The following SYT1 variants were observed in gnomAD, a reference collection of about 807,000 sequenced individuals.
SYT1 encodes the protein synaptotagmin-1.
Under a neutral mutation model 44.8 loss-of-function variants are expected in SYT1, and 8 were observed. That is an observed-to-expected ratio of 0.18 (90% CI 0.10 to 0.32). The LOEUF (loss-of-function observed/expected upper bound fraction) is 0.32, where lower values mean the gene tolerates loss of function less well. Among genes scored for constraint, SYT1 ranks in the 10% least tolerant of loss-of-function variants. The pLI is 1.00. For missense variants in SYT1, 286 were observed against 509.3 expected, an observed-to-expected ratio of 0.56 and a Z score of 4.22; for synonymous variants, 154 against 188.8, an observed-to-expected ratio of 0.82 and a Z score of 1.51.
chr12:78,929,016 T>A (rs1434943630), intron 1 of SYT1, among the ~76,000 whole-genome samples: 1 of 151,996 alleles, frequency 6.6e-6, no homozygotes, highest in Non-Finnish European at 1.5e-5. Context: ...AAACTTAAGA[T>A]TGTTAACTAA....
intron 1 of SYT1, among the ~76,000 whole-genome samples, chr12:78,940,556 A>AT (rs540879064): frequency 5.3e-4 from 79 of 149,006 alleles, no homozygotes; most frequent in African/African-American, 1.3e-3. Context: ...TGCACAGCTG[A>AT]TTTTTTTTTT....
chr12:79,380,996 C>T (rs1179778648), intron 9 of SYT1, among the ~76,000 whole-genome samples: 2 of 152,132 alleles, frequency 1.3e-5, no homozygotes, highest in Non-Finnish European at 2.9e-5. Context: ...CAATCTTTCC[C>T]TCATTTAATT....
At chr12:78,934,661 AAAAG>A (rs1282799330) in intron 1 of SYT1, among the ~76,000 whole-genome samples, 8 of 152,234 alleles carry the variant, frequency 5.3e-5, no homozygotes, top group African/African-American at 1.9e-4. Flanking sequence ...GGAATATAGA[AAAAG>A]AAAGAAGTTG....
At chr12:79,349,058 G>GAAAGAAAAAGAAAGAAAGAAAGAA (rs1565920019) in intron 8 of SYT1, among the ~76,000 whole-genome samples, 42 of 127,020 alleles carry the variant, frequency 3.3e-4, no homozygotes, top group African/African-American at 1.3e-3. Context: ...AGAAAGAAAG[G>GAAAGAAAAAGAAAGAAAGAAAGAA]AGGGAGGGAG....
chr12:79,435,458 T>C (rs1446688985), intron 9 of SYT1, among the ~76,000 whole-genome samples: 3 of 152,130 alleles, frequency 2.0e-5, no homozygotes, highest in African/African-American at 7.2e-5. Flanking sequence ...AGTGAGCCAC[T>C]GCACCCTGCT....
intron 4 of SYT1, among the ~76,000 whole-genome samples, chr12:79,236,775 A>C (rs948054166): frequency 2.8e-4 from 43 of 152,200 alleles, no homozygotes; most frequent in Admixed American, 7.2e-4. Flanking sequence ...TCATTCTTAC[A>C]ATCTGATAAG....
At chr12:79,121,496 T>A (rs1010707458) in intron 3 of SYT1, among the ~76,000 whole-genome samples, 1 of 152,206 alleles carries the variant, frequency 6.6e-6, no homozygotes, top group African/African-American at 2.4e-5. Context: ...ATTGCTAGCC[T>A]CTCTCTGATT....
intron 8 of SYT1, among the ~76,000 whole-genome samples, chr12:79,324,423 A>G (rs1233556030): frequency 6.6e-6 from 1 of 151,842 alleles, no homozygotes; most frequent in Non-Finnish European, 1.5e-5. Context: ...GACCCACATG[A>G]CCCCGCCTTC....
At chr12:79,340,887 T>C (rs1882341537) in intron 8 of SYT1, among the ~76,000 whole-genome samples, 1 of 152,204 alleles carries the variant, frequency 6.6e-6, no homozygotes, top group South Asian at 2.1e-4. Context: ...TTCCCTACTC[T>C]CCACTAAAAA....
chr12:79,431,865 C>T (rs1011141362), intron 9 of SYT1, among the ~76,000 whole-genome samples: 1 of 152,198 alleles, frequency 6.6e-6, no homozygotes, highest in African/African-American at 2.4e-5. Flanking sequence ...TGCCTGGCCC[C>T]ATAGTTTATT....
At chr12:79,019,149 C>G (rs1872012250) in intron 2 of SYT1, among the ~76,000 whole-genome samples, 1 of 151,848 alleles carries the variant, frequency 6.6e-6, no homozygotes, top group African/African-American at 2.4e-5. Context: ...ATCAAGGGGT[C>G]ACAGATTTGC....
intron 3 of SYT1, among the ~76,000 whole-genome samples, chr12:79,134,917 A>G (rs755600130): frequency 4.7e-4 from 72 of 152,042 alleles, no homozygotes; most frequent in Non-Finnish European, 5.1e-4. Context: ...ATAGCATGGT[A>G]ACTATAGATA....
intron 9 of SYT1, among the ~76,000 whole-genome samples, chr12:79,418,978 T>A (rs897281550): frequency 1.3e-5 from 2 of 152,090 alleles, no homozygotes; most frequent in Non-Finnish European, 2.9e-5. Context: ...AAAACTCAGG[T>A]GATTATACTG....
At chr12:79,219,468 T>C (rs1875020650) in intron 4 of SYT1, among the ~76,000 whole-genome samples, 1 of 152,114 alleles carries the variant, frequency 6.6e-6, no homozygotes, top group Non-Finnish European at 1.5e-5. Flanking sequence ...TATTCTAGAT[T>C]CATAATTTTG....
intron 3 of SYT1, among the ~76,000 whole-genome samples, chr12:79,129,633 G>A (rs1478501260): frequency 1.3e-5 from 2 of 152,150 alleles, no homozygotes; most frequent in Admixed American, 1.3e-4. Context: ...ACCCCACTAA[G>A]TATGAGTGTC....
chr12:79,315,920 G>A (rs1881061437), intron 8 of SYT1, among the ~76,000 whole-genome samples: 1 of 152,176 alleles, frequency 6.6e-6, no homozygotes, highest in Non-Finnish European at 1.5e-5. Context: ...TTTTAAACAT[G>A]AGAACCAATC....
chr12:78,931,397 G>GAGA (rs1877733380), intron 1 of SYT1, among the ~76,000 whole-genome samples: 1 of 104,338 alleles, frequency 9.6e-6, no homozygotes. Context: ...AGGAAGGAAG[G>GAGA]GAGGAGAGAG....
At chr12:79,197,174 G>T (rs187199360) in intron 3 of SYT1, among the ~76,000 whole-genome samples, 2 of 152,322 alleles carry the variant, frequency 1.3e-5, no homozygotes, top group African/African-American at 2.4e-5. Flanking sequence ...AATGCAACCT[G>T]ATGCCTTCTT....
At chr12:78,978,863 C>T (rs1869038420) in intron 2 of SYT1, among the ~76,000 whole-genome samples, 1 of 152,108 alleles carries the variant, frequency 6.6e-6, no homozygotes, top group African/African-American at 2.4e-5. Context: ...ATCGCCAATA[C>T]AAAAATACAT....
Sources: gnomAD v4.1 joint callset for allele counts (sites outside exome capture counted in the v4.1 genomes callset) on GRCh38, gnomAD v4.1.1 for gene constraint, MANE v1.5 for transcripts, NCBI Gene and HGNC (gene_info 2026-07-23, HGNC 2026-07-21) for gene names.